The following SBF2 variants were observed in gnomAD, a reference collection of about 807,000 sequenced individuals.
SBF2 encodes the protein SET binding factor 2.
In SBF2, 112 loss-of-function variants were observed where a neutral mutation model predicts 225.2. That is an observed-to-expected ratio of 0.50 (90% confidence interval 0.43 to 0.58). The LOEUF (loss-of-function observed/expected upper bound fraction) is 0.58, where lower values mean the gene tolerates loss of function less well. Among genes scored for constraint, SBF2 ranks in the 20% least tolerant of loss-of-function variants. The pLI, the probability that SBF2 is intolerant of heterozygous loss-of-function variation, is 0.00. For missense variants in SBF2, 1,996 were observed against 2,206.2 expected (o/e 0.90, Z 1.91); for synonymous variants, 763 against 773.3 (o/e 0.99, Z 0.22).
intron 2 of SBF2, among the ~76,000 whole-genome samples, chr11:10,097,500 A>T (rs962078002): frequency 2.6e-5 from 4 of 152,174 alleles, no homozygotes; most frequent in Admixed American, 2.6e-4. Flanking sequence ...AAATTAACAA[A>T]ATTTAAAATA....
At chr11:9,788,032 G>A (rs1221012514) in intron 35 of SBF2, 2 of 417,574 alleles carry the variant, frequency 4.8e-6, no homozygotes, top group Non-Finnish European at 9.0e-6. Flanking sequence ...GCACCCTTGG[G>A]CAGCCCATGG....
At chr11:9,886,109 G>T (rs11042527) in intron 17 of SBF2, among the ~76,000 whole-genome samples, 90,327 of 152,008 alleles carry the variant, frequency 0.59, 27,231 homozygotes, top group African/African-American at 0.66. Context: ...CCATGCTACT[G>T]TAGAATAAAT....
In SBF2 at chr11:10,290,148, C is replaced by T. The variant is rs567433758; in HGVS notation, c.55+3867G>A. 7.2e-5 allele frequency among the ~76,000 whole-genome samples: 11 copies of T among 152,246 alleles called. No individual in the cohort carries two copies. In the South Asian group the frequency reaches 2.1e-3, roughly 29 times the overall value. The stretch of plus-strand genomic sequence containing the variant: ...TGTATTACTTAAAAAATTAATCTTC[C>T]TTCTCCTTCCCTTTTCCTGCTGTGA... On this transcript the variant is annotated intron_variant, in intron 1 of 39. Transcript: ENST00000256190.
chr11:9,916,168 A>G (rs973839106), intron 16 of SBF2, among the ~76,000 whole-genome samples: 2 of 152,200 alleles, frequency 1.3e-5, no homozygotes, highest in African/African-American at 4.8e-5. Flanking sequence ...AACTAATCAA[A>G]TACTTATATA....
At chr11:9,937,742 TTAA>T (rs1864984586) in intron 16 of SBF2, among the ~76,000 whole-genome samples, 1 of 152,030 alleles carries the variant, frequency 6.6e-6, no homozygotes, top group South Asian at 2.1e-4. Flanking sequence ...AAAACTGAAA[TTAA>T]TAAGAGAATT....
intron 1 of SBF2, among the ~76,000 whole-genome samples, chr11:10,293,616 G>C (rs2133626739): frequency 6.6e-6 from 1 of 152,316 alleles, no homozygotes; most frequent in Admixed American, 6.5e-5. Flanking sequence ...CACTCAGGAT[G>C]CAGGGCAGAA....
At chr11:10,133,354 G>A (rs1225868326) in intron 2 of SBF2, among the ~76,000 whole-genome samples, 1 of 149,642 alleles carries the variant, frequency 6.7e-6, no homozygotes, top group Non-Finnish European at 1.5e-5. Flanking sequence ...GTGGAGCAGG[G>A]GGTGGTGCTT....
chr11:10,095,863 CA>C (rs1565223524), intron 2 of SBF2, among the ~76,000 whole-genome samples: 3 of 152,214 alleles, frequency 2.0e-5, no homozygotes, highest in Admixed American at 1.3e-4. Flanking sequence ...CCAAATAAAA[CA>C]GCCATATAGA....
At position 9,906,007 on chromosome 11, in the gene SBF2, T is replaced by A. The variant is rs147654931; in HGVS notation, c.1861-9996A>T. 8.5e-5 allele frequency among the ~76,000 whole-genome samples: 13 copies of A among 152,288 alleles called. No homozygotes were observed. The East Asian group carries it at 2.5e-3, about 29-fold the overall frequency. On this transcript the variant is annotated intron_variant, in intron 16 of 39. Transcript: ENST00000256190. ...TTTCCTATGTGGTATCTCTGCAAGG[T>A]CTCCATCCTCTCTATGGATTATATA... is the stretch of plus-strand genomic sequence containing the variant.
intron 2 of SBF2, among the ~76,000 whole-genome samples, chr11:10,075,335 T>G (rs546109942): frequency 8.8e-4 from 134 of 152,358 alleles, no homozygotes; most frequent in African/African-American, 3.1e-3. Flanking sequence ...AACACTGTTA[T>G]AGAATTATGA....
At chr11:9,971,685 G>GGAAAAA (rs1186083662) in intron 13 of SBF2, among the ~76,000 whole-genome samples, 2 of 151,588 alleles carry the variant, frequency 1.3e-5, no homozygotes, top group East Asian at 1.9e-4. Flanking sequence ...TCTCAAGAAA[G>GGAAAAA]GAAAAAGAAA....
At chr11:10,153,119 G>A (rs1484630977) in intron 2 of SBF2, among the ~76,000 whole-genome samples, 4 of 152,176 alleles carry the variant, frequency 2.6e-5, no homozygotes, top group African/African-American at 9.7e-5. Flanking sequence ...CTGGAGTAAG[G>A]TAAAAGTGAC....
Position 9,784,811 on chromosome 11 carries a change from G to A in SBF2, c.5231+314C>T, listed in dbSNP as rs1272135437. 8 of 507,002 alleles carry A rather than the reference G, an allele frequency of 1.6e-5. No individual in the cohort carries two copies. In the East Asian group the frequency reaches 2.2e-4, roughly 14 times the overall value. 31.4% of individuals were successfully genotyped at this position (507,002 alleles called of 1,614,324 possible). ...TTCCTTTTTGCTTCAGCTAGCATAAGCTGGATTTCTGATGTGTGCCACTGA... is the reference window on the plus strand; with the variant it reads ...TTCCTTTTTGCTTCAGCTAGCATAAACTGGATTTCTGATGTGTGCCACTGA... On this transcript the variant is annotated intron_variant, in intron 37 of 39. Transcript: ENST00000256190.
chr11:10,051,287 T>C (rs2061880975), intron 2 of SBF2, among the ~76,000 whole-genome samples: 1 of 152,118 alleles, frequency 6.6e-6, no homozygotes, highest in East Asian at 1.9e-4. Flanking sequence ...TAGAAAATAA[T>C]AAACATATAA....
At chr11:10,040,184 T>C (rs911857780) in intron 3 of SBF2, among the ~76,000 whole-genome samples, 4 of 152,030 alleles carry the variant, frequency 2.6e-5, no homozygotes, top group Non-Finnish European at 5.9e-5. Flanking sequence ...GTAGACTGAT[T>C]ATTAATTGCA....
chr11:9,881,880 A>G (rs1859790539), intron 17 of SBF2, among the ~76,000 whole-genome samples: 1 of 152,106 alleles, frequency 6.6e-6, no homozygotes, highest in Non-Finnish European at 1.5e-5. Flanking sequence ...CCCAGCTACT[A>G]AAGAGGCTGA....
chr11:10,113,428 T>G (rs1952975663), intron 2 of SBF2, among the ~76,000 whole-genome samples: 1 of 152,198 alleles, frequency 6.6e-6, no homozygotes, highest in Admixed American at 6.5e-5. Flanking sequence ...TCATCTGATA[T>G]TTTTCTATAG....
At chr11:10,240,867 C>T (rs564441737) in intron 1 of SBF2, among the ~76,000 whole-genome samples, 1 of 151,974 alleles carries the variant, frequency 6.6e-6, no homozygotes, top group Non-Finnish European at 1.5e-5. Context: ...GTTTAAATAT[C>T]TGGGAATTTT....
chr11:10,294,311 C>G (rs371833914), upstream of SBF2: 1 of 344,698 alleles, frequency 2.9e-6, no homozygotes, highest in Non-Finnish European at 5.2e-6. Flanking sequence ...CCACCTCCAC[C>G]CTCCGCGGGC....
Sources: allele counts gnomAD v4.1 joint callset (sites outside exome capture counted in the v4.1 genomes callset), GRCh38; gene constraint gnomAD v4.1.1; transcripts MANE v1.5; gene names NCBI Gene and HGNC (gene_info 2026-07-23, HGNC 2026-07-21).